The following ANKRA2 variants were observed in gnomAD, a reference collection of about 807,000 sequenced individuals.
ANKRA2 encodes ankyrin repeat family A protein 2.
Under a neutral mutation model 37.8 loss-of-function variants are expected in ANKRA2, and 33 were observed. That is an observed-to-expected ratio of 0.87 (90% confidence interval 0.66 to 1.17). The LOEUF (loss-of-function observed/expected upper bound fraction) is 1.17. Ranked by LOEUF, ANKRA2 falls within the 50% of genes most tolerant of loss-of-function variation. The pLI is 0.00. For missense variants in ANKRA2, 326 were observed against 373.7 expected (o/e 0.87, Z 1.05); for synonymous variants, 126 against 132.3 (o/e 0.95, Z 0.33).
intron 3 of ANKRA2, 130 bp from the exon 4 acceptor site, chr5:73,557,770 A>G (rs1238192992): frequency 4.9e-6 from 3 of 612,500 alleles, no homozygotes; most frequent in Non-Finnish European, 5.5e-6. Context: ...TTAAAAATAT[A>G]ACTTAAAATG....
chr5:73,552,800 CTCCTT>C lies in ANKRA2; in HGVS notation c.934_938del (p.Lys312ValfsTer20). 1.2e-6 allele frequency: 2 copies of C among 1,602,214 alleles called. No individual in the cohort carries two copies. Among genetic ancestry groups the C allele is most frequent in the Non-Finnish European group, 1.7e-6 (2 of 1,170,530 alleles). ...AGACATTTTCTGATGACTGTGTCTA[CTCCTT>C]GATATTTTGAAGCAGCTTCAACAAA... On this transcript the variant is annotated frameshift_variant, in exon 9 of 9. Transcript: ENST00000296785. LOFTEE classifies it high-confidence loss of function.
chr5:73,561,672 CAGG>C (rs1747558216), intron 2 of ANKRA2, among the ~76,000 whole-genome samples: 2 of 151,886 alleles, frequency 1.3e-5, no homozygotes, highest in African/African-American at 4.8e-5. Flanking sequence ...GAGGCTGAGG[CAGG>C]AGAATTGCTT....
At chr5:73,563,893 A>G (rs767541635) in intron 1 of ANKRA2, among the ~76,000 whole-genome samples, 2 of 152,190 alleles carry the variant, frequency 1.3e-5, no homozygotes, top group Non-Finnish European at 2.9e-5. Context: ...CTACAATTTT[A>G]AAAACATTTT....
intron 5 of ANKRA2, 200 bp downstream of exon 5, chr5:73,555,288 C>A (rs991324304): frequency 1.7e-6 from 2 of 1,197,124 alleles, no homozygotes; most frequent in African/African-American, 1.5e-5. Flanking sequence ...GGGGTCTGGG[C>A]GTTAAATTAT....
At position 73,562,711 on chromosome 5, in the gene ANKRA2, A is replaced by G. The variant is rs774066009; in HGVS notation, c.171T>C (p.Pro57=). 6.2e-7 allele frequency: 1 copy of G among 1,614,224 alleles called. No individual in the cohort carries two copies. Residue 57 remains proline, a synonymous_variant, in exon 2 of 9, where the codon CCT becomes CCC. Transcript: ENST00000296785. ...AACACACATTCATATCAAATCGGTT[A>G]GGCAATATGAATTTCATTCCCATGG... The part of the protein sequence containing the change: ...GVAMGMKFIL[P]NRFDMNVCSR...
rs1445244258 is a variant in ANKRA2, at chr5:73,552,662, CAG to C, written c.*133_*134del. 10 of 708,600 alleles carry C rather than the reference CAG, an allele frequency of 1.4e-5. No individual in the cohort carries two copies. The African/African-American group carries it at 1.5e-4, about 10-fold the overall frequency. 43.9% of individuals were successfully genotyped at this position (708,600 alleles called of 1,614,324 possible). On this transcript the variant is annotated 3_prime_UTR_variant, in exon 9 of 9. Transcript: ENST00000296785. Reference sequence around the variant, plus strand: ...ATTTATTATAAACCAGTGAATTACTCAGAGAAATATTTATTAAAACCTACTAA... The same window carrying C: ...ATTTATTATAAACCAGTGAATTACTCAGAAATATTTATTAAAACCTACTAA...
intron 4 of ANKRA2, 139 bp downstream of exon 4, chr5:73,557,436 T>A: frequency 2.5e-5 from 7 of 282,456 alleles, no homozygotes; most frequent in Non-Finnish European, 3.4e-5. Context: ...TTTTTTTTAC[T>A]ATCCATTGGG....
In ANKRA2 at chr5:73,553,422, G is replaced by T. The variant is rs760099075; in HGVS notation, c.870C>A (p.Ala290=). 1.9e-6 allele frequency: 3 copies of T among 1,612,858 alleles called. No homozygotes were observed. The highest frequency in any genetic ancestry group is 2.2e-5 in the East Asian group (1 of 44,808). ...CATACTTACCACTTCTATAGCCTAG[G>T]GCTACAGCTAGATCCATAGAATTAT... ...SGYNSMDLAV[A]LGYRSVQQVI... Residue 290 remains alanine, a synonymous_variant, in exon 8 of 9, where the codon GCC becomes GCA. Coordinates refer to ENST00000296785, the MANE Select transcript of ANKRA2 (RefSeq NM_023039.5).
Position 73,554,993 on chromosome 5 carries a change from T to C in ANKRA2, c.613-7A>G, listed in dbSNP as rs779148333. ...AAAGTTGGGGATCAGCACCCTGGTA[T>C]GGGAAGTAGAGATAAAAGACTTCTC... On this transcript the variant is annotated splice_polypyrimidine_tract_variant and splice_region_variant and intron_variant, in intron 5 of 8. Transcript: ENST00000296785. 5.0e-6 allele frequency: 8 copies of C among 1,602,994 alleles called. No homozygotes were observed. Among genetic ancestry groups the C allele is most frequent in the Admixed American group, 3.5e-5 (2 of 56,458 alleles).
intron 5 of ANKRA2, 127 bp downstream of exon 5, chr5:73,555,361 A>G: frequency 7.1e-7 from 1 of 1,408,980 alleles, no homozygotes; most frequent in Non-Finnish European, 9.4e-7. Flanking sequence ...CCACAAGAAT[A>G]TGAAAAGCAT....
At chr5:73,563,782 T>TGC (rs542070574) in intron 1 of ANKRA2, among the ~76,000 whole-genome samples, 5 of 152,266 alleles carry the variant, frequency 3.3e-5, no homozygotes, top group African/African-American at 1.2e-4. Context: ...TTTGAGAGGG[T>TGC]GCAGGGTGTT....
At chr5:73,555,306 T>G (rs1747369298) in intron 5 of ANKRA2, 182 bp downstream of exon 5, 3 of 1,219,736 alleles carry the variant, frequency 2.5e-6, no homozygotes, top group Middle Eastern at 2.8e-4. Flanking sequence ...TATTTCTCAC[T>G]GTTGCATGTA....
chr5:73,560,994 G>C lies in ANKRA2; in HGVS notation c.448+136C>G, dbSNP rs560141781. 1.9e-4 allele frequency: 172 copies of C among 900,094 alleles called. 1 individual carries two copies. The South Asian group carries it at 3.2e-3, about 17-fold the overall frequency. The allele number at this position is 900,094 out of a possible 1,614,324, so 55.8% of individuals were successfully genotyped here. A position where few individuals can be genotyped will look rare whatever the true frequency, so the allele number is the denominator to read the frequency against. The stretch of plus-strand genomic sequence containing the variant: ...CAGAATTTCCTTCTTTTTTAAGGTT[G>C]AATAGTATTCCATTGTGTAGTATAA... On this transcript the variant is annotated intron_variant, in intron 3 of 8. Coordinates refer to ENST00000296785, the MANE Select transcript of ANKRA2 (RefSeq NM_023039.5).
intron 3 of ANKRA2, 31 bp downstream of exon 3, chr5:73,561,099 A>C: frequency 6.4e-7 from 1 of 1,559,212 alleles, no homozygotes; most frequent in Non-Finnish European, 8.7e-7. Context: ...TACATTAAGA[A>C]TATAGTAATA....
intron 3 of ANKRA2, among the ~76,000 whole-genome samples, chr5:73,559,349 TTTC>T (rs1199059187): frequency 2.5e-5 from 2 of 80,596 alleles, no homozygotes; most frequent in Non-Finnish European, 5.6e-5. Context: ...AGTTGCTGTT[TTTC>T]TTTTTTTTAA....
At chr5:73,557,940 G>A (rs1459741530) in intron 3 of ANKRA2, among the ~76,000 whole-genome samples, 1 of 152,014 alleles carries the variant, frequency 6.6e-6, no homozygotes, top group Non-Finnish European at 1.5e-5. Context: ...AGCTGGGCAT[G>A]GTGGCATGTG....
rs1342496521 is a variant in ANKRA2 at position 73,562,838 on chromosome 5, A to G, written c.44T>C (p.Val15Ala). 1 of 1,613,174 alleles carries G rather than the reference A, an allele frequency of 6.2e-7. No homozygotes were observed. Among genetic ancestry groups the G allele is most frequent in the Non-Finnish European group, 8.5e-7 (1 of 1,179,304 alleles). ...GCTATAAGTGCTGGGACACTCTTCC[A>G]CGATAAGCTGGGCTCCAATATCCAG... ...TNLDIGAQLI[V>A]EECPSTYSLT... Residue 15 changes from valine to alanine, a missense_variant, in exon 2 of 9, where the codon GTG becomes GCG. Val to Ala is a moderately conservative substitution (Grantham distance 64). Coordinates refer to ENST00000296785, the MANE Select transcript of ANKRA2 (RefSeq NM_023039.5).
chr5:73,563,013 G>T, intron 1 of ANKRA2, 28 bp from the exon 2 acceptor site: 1 of 817,614 alleles, frequency 1.2e-6, no homozygotes, highest in East Asian at 2.7e-5. Flanking sequence ...AAAATTAAAA[G>T]TATTCTATCA....
chr5:73,554,240 C>T, intron 7 of ANKRA2, 82 bp downstream of exon 7: 1 of 1,152,488 alleles, frequency 8.7e-7, no homozygotes, highest in Non-Finnish European at 1.3e-6. Context: ...TAATGATTCT[C>T]CTGAGTAGTA....
Sources: gnomAD v4.1 joint callset for allele counts (sites outside exome capture counted in the v4.1 genomes callset) on GRCh38, gnomAD v4.1.1 for gene constraint, MANE v1.5 for transcripts, NCBI Gene and HGNC (gene_info 2026-07-23, HGNC 2026-07-21) for gene names.